IARS1: variants seen among roughly 807,000 people sequenced by gnomAD.
The protein encoded by IARS1 is isoleucyl-tRNA synthetase 1, also known as isoleucine--tRNA ligase, cytoplasmic.
IARS1 carries 124 observed loss-of-function variants against 168.2 expected under a neutral mutation model. The observed-to-expected ratio is 0.74, with a 90% CI of 0.64 to 0.86. The LOEUF is 0.86. IARS1 is among the 40% of genes least tolerant of loss of function. The probability of loss-of-function intolerance (pLI) is 0.00; values close to 1 mark genes in which losing one functional copy is unlikely to be tolerated. For missense variants in IARS1, 1,452 were observed against 1,515.8 expected (o/e 0.96, Z 0.70); for synonymous variants, 532 against 529.4 (o/e 1.00, Z -0.07).
intron 20 of IARS1, 156 bp downstream of exon 20, chr9:92,256,521 CACG>C (rs775750301): frequency 8.4e-5 from 59 of 705,054 alleles, no homozygotes; most frequent in Admixed American, 2.4e-4. Flanking sequence ...ACAAAGATAT[CACG>C]ACAATTAACA....
In IARS1 at chr9:92,247,507, C is replaced by T; in HGVS notation, c.2661G>A (p.Lys887=). Residue 887 remains lysine (K), a synonymous_variant, in exon 26 of 34, where the codon AAG becomes AAA. Transcript: ENST00000443024. ...GTTCTGCCCTTAGCCGAATGCCATACTTGTTTTTATCTGTAGACAGTGTAA... is the reference window on the plus strand; with the variant it reads ...GTTCTGCCCTTAGCCGAATGCCATATTTGTTTTTATCTGTAGACAGTGTAA... ...RKVTLSTDKN[K]YGIRLRAEPD... 2 of 1,614,164 alleles carry T rather than the reference C, an allele frequency of 1.2e-6. No individual in the cohort carries two copies. The highest frequency in any genetic ancestry group is 1.7e-6 in the Non-Finnish European group (2 of 1,180,030).
At chr9:92,212,779 G>C (rs1416432599) in intron 33 of IARS1, among the ~76,000 whole-genome samples, 1 of 152,182 alleles carries the variant, frequency 6.6e-6, no homozygotes, top group Non-Finnish European at 1.5e-5. Context: ...CTTTGATAGA[G>C]TGAAAGACTC....
At chr9:92,252,380 T>C (rs772479546) in intron 21 of IARS1, 1 of 516,834 alleles carries the variant, frequency 1.9e-6, no homozygotes, top group Admixed American at 1.9e-5. Flanking sequence ...GTAAGCATCT[T>C]AGCATATGTC....
intron 30 of IARS1, among the ~76,000 whole-genome samples, chr9:92,229,388 C>CACACAT (rs547012999): frequency 2.7e-4 from 41 of 150,686 alleles, no homozygotes; most frequent in African/African-American, 9.5e-4. Flanking sequence ...CACACACACA[C>CACACAT]ATCTCCATCC....
chr9:92,284,396 T>C (rs1835114197), intron 6 of IARS1, among the ~76,000 whole-genome samples: 1 of 151,362 alleles, frequency 6.6e-6, no homozygotes, highest in African/African-American at 2.5e-5. Flanking sequence ...AGCCAGTCAT[T>C]GGTGCTGGGG....
intron 20 of IARS1, among the ~76,000 whole-genome samples, chr9:92,254,426 A>G (rs1171702381): frequency 6.6e-6 from 1 of 152,236 alleles, no homozygotes; most frequent in Non-Finnish European, 1.5e-5. Flanking sequence ...GAGTCCAGGG[A>G]CTGTTAATGA....
chr9:92,240,658 T>C (rs1564166020), intron 30 of IARS1, 198 bp downstream of exon 30: 2 of 716,780 alleles, frequency 2.8e-6, no homozygotes, highest in Non-Finnish European at 5.2e-6. Context: ...CTTCCAAAAG[T>C]GGTAGATTTC....
chr9:92,263,012 G>A lies in IARS1; in HGVS notation c.1744C>T (p.Pro582Ser), dbSNP rs751908387. 2 of 1,614,088 alleles carry A rather than the reference G, an allele frequency of 1.2e-6. No homozygotes were observed. The highest frequency in any genetic ancestry group is 4.5e-5 in the East Asian group (2 of 44,888). ...TTCACAATTACGTTCTTGAAAGGCG[G>A]TTGTCCAAAGAGGGCCGTGGCCAGC... ...LVLATALFGQ[P>S]PFKNVIVNGL... Residue 582 changes from proline to serine, a missense_variant, in exon 17 of 34, where the codon CCG becomes TCG. By Grantham distance (74) the Pro-to-Ser change is moderately conservative (BLOSUM62 -1). Coordinates refer to ENST00000443024, the MANE Select transcript of IARS1 (RefSeq NM_002161.6).
At chr9:92,211,944 T>C (rs925359189) in intron 33 of IARS1, among the ~76,000 whole-genome samples, 5 of 152,084 alleles carry the variant, frequency 3.3e-5, no homozygotes, top group South Asian at 2.1e-4. Flanking sequence ...CCAAATGCAA[T>C]TGATTGAAAT....
intron 11 of IARS1, 90 bp downstream of exon 11, chr9:92,271,443 C>A (rs911367584): frequency 2.6e-6 from 4 of 1,526,642 alleles, no homozygotes; most frequent in Non-Finnish European, 3.6e-6. Context: ...ATAAAAACAA[C>A]TTCCTAGAAG....
intron 11 of IARS1, among the ~76,000 whole-genome samples, 185 bp downstream of exon 11, chr9:92,271,348 A>G (rs1833001023): frequency 6.6e-6 from 1 of 152,210 alleles, no homozygotes; most frequent in South Asian, 2.1e-4. Context: ...ATGAAATTTC[A>G]GCATGCATCC....
chr9:92,220,115 G>C (rs1839424787), intron 33 of IARS1, among the ~76,000 whole-genome samples: 1 of 149,296 alleles, frequency 6.7e-6, no homozygotes, highest in Non-Finnish European at 1.5e-5. Context: ...CATGTCCTTT[G>C]TAGGGACATG....
intron 27 of IARS1, chr9:92,243,534 G>GT (rs553660389): frequency 1.9e-5 from 8 of 419,920 alleles, no homozygotes; most frequent in South Asian, 7.6e-5. Flanking sequence ...TTTGTTTCTT[G>GT]TTTTTTTGTA....
intron 2 of IARS1, 103 bp from the exon 3 acceptor site, chr9:92,288,385 G>T: frequency 1.1e-6 from 1 of 947,890 alleles, no homozygotes; most frequent in Non-Finnish European, 1.7e-6. Context: ...AAGGAGAAAA[G>T]CAGCAAGATC....
intron 33 of IARS1, among the ~76,000 whole-genome samples, chr9:92,211,384 G>A (rs78261219): frequency 8.5e-4 from 129 of 152,126 alleles, no homozygotes; most frequent in Non-Finnish European, 7.4e-4. Flanking sequence ...TGGTTCTAAC[G>A]TGTATCCTTT....
At chr9:92,242,499 TG>T (rs1308518584) in intron 28 of IARS1, 169 bp from the exon 29 acceptor site, 2 of 584,094 alleles carry the variant, frequency 3.4e-6, no homozygotes, top group African/African-American at 3.7e-5. Flanking sequence ...ACTCAGTACA[TG>T]ATTAACTTTG....
chr9:92,225,488 C>A (rs1825529101), intron 31 of IARS1, among the ~76,000 whole-genome samples: 1 of 151,316 alleles, frequency 6.6e-6, no homozygotes, highest in Admixed American at 6.6e-5. Flanking sequence ...CAACATCACC[C>A]AAAGAAGGAT....
chr9:92,210,893 G>C lies in IARS1; in HGVS notation c.3707-4C>G. The C allele has an allele frequency of 6.3e-7, 1 of 1,581,620 alleles. No individual in the cohort carries two copies. The highest frequency in any genetic ancestry group is 1.1e-5 in the South Asian group (1 of 90,350). On this transcript the variant is annotated splice_region_variant and splice_polypyrimidine_tract_variant and intron_variant, in intron 33 of 33. Coordinates refer to ENST00000443024, the MANE Select transcript of IARS1 (RefSeq NM_002161.6). ...ACGGGGATGTCTTCTGTAATTTCTA[G>C]AATGGAAAGAAAAAGTTGAAAAAAA... is the stretch of plus-strand genomic sequence containing the variant.
rs111621137 is a variant in IARS1 at position 92,286,579 on chromosome 9, T to C, written c.436A>G (p.Asn146Asp). The C allele has an allele frequency of 6.2e-7, 1 of 1,601,744 alleles. No homozygotes were observed. The highest frequency in any genetic ancestry group is 8.6e-7 in the Non-Finnish European group (1 of 1,168,856). Residue 146 changes from asparagine (N) to aspartate (D), a missense_variant, in exon 5 of 34, where the codon AAT becomes GAT. Physicochemically the swap from Asn to Asp is conservative, Grantham distance 23 (BLOSUM62 1). Transcript: ENST00000443024. ...TGTGGATACAGAGTTTTATAGTCATTGTCAAAGTCAATCCATCGGCCAAGT... is the reference window on the plus strand; with the variant it reads ...TGTGGATACAGAGTTTTATAGTCATCGTCAAAGTCAATCCATCGGCCAAGT... ...SRLGRWIDFD[N>D]DYKTLYPQFM...
Sources: gnomAD v4.1 joint callset for allele counts (sites outside exome capture counted in the v4.1 genomes callset) on GRCh38, gnomAD v4.1.1 for gene constraint, MANE v1.5 for transcripts, NCBI Gene and HGNC (gene_info 2026-07-23, HGNC 2026-07-21) for gene names.